Variants in RAD51B observed in about 807,000 individuals in gnomAD.
The protein encoded by RAD51B is DNA repair protein RAD51 homolog 2.
Under a neutral mutation model 42.2 loss-of-function variants are expected in RAD51B, and 38 were observed. The observed-to-expected ratio is 0.90, with a 90% CI of 0.70 to 1.18. The LOEUF is 1.18. Ranked by LOEUF, RAD51B falls within the 50% of genes most tolerant of loss-of-function variation. The pLI, the probability that RAD51B is intolerant of heterozygous loss-of-function variation, is 0.00. For synonymous variants in RAD51B, 154 were observed against 145.2 expected (o/e 1.06, Z -0.43); for missense variants, 373 against 400.7 (o/e 0.93, Z 0.59).
chr14:68,570,622 C>T (rs1889647169), intron 10 of RAD51B, among the ~76,000 whole-genome samples: 1 of 152,186 alleles, frequency 6.6e-6, no homozygotes, highest in Non-Finnish European at 1.5e-5. Context: ...GTCCAGTGCC[C>T]TTGGCAGCCT....
At chr14:68,375,443 A>G (rs927221) in intron 8 of RAD51B, among the ~76,000 whole-genome samples, 26,988 of 152,142 alleles carry the variant, frequency 0.18, 2,679 homozygotes, top group East Asian at 0.44. Flanking sequence ...TGTTATATGC[A>G]GCGTCCTCTG....
At chr14:67,941,104 G>A (rs538320889) in intron 7 of RAD51B, among the ~76,000 whole-genome samples, 141 of 152,314 alleles carry the variant, frequency 9.3e-4, no homozygotes, top group African/African-American at 3.3e-3. Flanking sequence ...CCACAAGTAG[G>A]AGGGAAGTAT....
chr14:68,607,875 A>C (rs4902612), intron 10 of RAD51B, among the ~76,000 whole-genome samples: 34,722 of 152,112 alleles, frequency 0.23, 4,397 homozygotes, highest in African/African-American at 0.33. Flanking sequence ...CCGGCCCTAC[A>C]TCGTGCCCCT....
At chr14:68,210,522 T>G (rs576597024) in intron 7 of RAD51B, among the ~76,000 whole-genome samples, 11 of 152,230 alleles carry the variant, frequency 7.2e-5, no homozygotes, top group African/African-American at 2.6e-4. Context: ...TTAGGTTACT[T>G]AAGGGTGATG....
intron 10 of RAD51B, among the ~76,000 whole-genome samples, chr14:68,535,918 G>T (rs1887590909): frequency 1.3e-5 from 2 of 152,206 alleles, no homozygotes; most frequent in Non-Finnish European, 2.9e-5. Context: ...GTGTGCTGAG[G>T]TTCTTTGGGT....
chr14:67,925,492 C>T (rs1595116535), intron 7 of RAD51B, among the ~76,000 whole-genome samples: 2 of 152,012 alleles, frequency 1.3e-5, no homozygotes, highest in East Asian at 1.9e-4. Flanking sequence ...AGGTTGGTCT[C>T]GAACTCCTGA....
intron 7 of RAD51B, among the ~76,000 whole-genome samples, chr14:68,030,953 G>A (rs1013348260): frequency 3.9e-5 from 6 of 152,182 alleles, no homozygotes; most frequent in African/African-American, 1.2e-4. Context: ...AAGGGGAATG[G>A]CCAGTTTGTA....
At chr14:68,462,094 A>C (rs1479803307) in intron 9 of RAD51B, among the ~76,000 whole-genome samples, 1 of 152,216 alleles carries the variant, frequency 6.6e-6, no homozygotes, top group African/African-American at 2.4e-5. Flanking sequence ...GAAAATTCAG[A>C]GCTTGCCTCT....
chr14:67,830,135 C>G (rs577668223), intron 3 of RAD51B, among the ~76,000 whole-genome samples: 44 of 152,104 alleles, frequency 2.9e-4, no homozygotes, highest in African/African-American at 1.1e-3. Flanking sequence ...GAGATGAAGC[C>G]AGAGAAGTAA....
chr14:68,028,121 G>A (rs2075982857), intron 7 of RAD51B, among the ~76,000 whole-genome samples: 1 of 152,154 alleles, frequency 6.6e-6, no homozygotes, highest in Non-Finnish European at 1.5e-5. Flanking sequence ...TGTACTTCAG[G>A]CTGTGATCTG....
intron 8 of RAD51B, among the ~76,000 whole-genome samples, chr14:68,394,301 C>T (rs753081543): frequency 3.3e-5 from 5 of 152,318 alleles, no homozygotes; most frequent in East Asian, 1.9e-4. Context: ...CCAGGAAGGA[C>T]GGGCTCGCCA....
intron 4 of RAD51B, among the ~76,000 whole-genome samples, chr14:67,843,004 G>A (rs1247654715): frequency 6.6e-6 from 1 of 151,988 alleles, no homozygotes; most frequent in Non-Finnish European, 1.5e-5. Flanking sequence ...CTAGCCCTGC[G>A]TCTCAGGAAT....
intron 7 of RAD51B, among the ~76,000 whole-genome samples, chr14:67,934,889 A>G (rs1445390749): frequency 6.6e-6 from 1 of 152,202 alleles, no homozygotes; most frequent in Non-Finnish European, 1.5e-5. Context: ...GTTATAGTCT[A>G]CAGCCTTCCT....
rs1014019345 is a variant in RAD51B, at chr14:68,141,606, G to A, written c.757-150278G>A. Reference sequence around the variant, plus strand: ...CTGAAAAGTTGCTGTGTTTTCTGACGTTTGGGTATTACATTAACATTATTA... The same window carrying A: ...CTGAAAAGTTGCTGTGTTTTCTGACATTTGGGTATTACATTAACATTATTA... On this transcript the variant is annotated intron_variant, in intron 7 of 10. Coordinates refer to ENST00000471583, the MANE Select transcript of RAD51B (RefSeq NM_133510.4). Among the ~76,000 whole-genome samples the A allele has an allele frequency of 4.6e-5, 7 of 152,090 alleles. No homozygotes were observed. The East Asian group carries it at 7.7e-4, about 17-fold the overall frequency.
chr14:68,052,224 T>A (rs2076404413), intron 7 of RAD51B, among the ~76,000 whole-genome samples: 1 of 152,206 alleles, frequency 6.6e-6, no homozygotes, highest in Admixed American at 6.5e-5. Context: ...TACAATTTGT[T>A]TCTTAGGTCT....
chr14:68,347,988 G>A (rs943634223), intron 8 of RAD51B, among the ~76,000 whole-genome samples: 5 of 152,130 alleles, frequency 3.3e-5, no homozygotes, highest in African/African-American at 1.2e-4. Context: ...CATCAACAGG[G>A]CAAGAGAGAA....
At chr14:68,441,135 G>A (rs1425170649) in intron 9 of RAD51B, among the ~76,000 whole-genome samples, 2 of 152,222 alleles carry the variant, frequency 1.3e-5, no homozygotes, top group African/African-American at 4.8e-5. Context: ...GACATTGTTA[G>A]TTCTTTCTTC....
chr14:68,511,362 C>T (rs949035816), intron 10 of RAD51B, among the ~76,000 whole-genome samples: 1 of 152,170 alleles, frequency 6.6e-6, no homozygotes, highest in Non-Finnish European at 1.5e-5. Flanking sequence ...TACCAAATCC[C>T]ACAAGCCTCA....
At chr14:68,510,476 C>T (rs1302631582) in intron 10 of RAD51B, among the ~76,000 whole-genome samples, 3 of 152,200 alleles carry the variant, frequency 2.0e-5, no homozygotes, top group Non-Finnish European at 4.4e-5. Context: ...GCCAAGGCAG[C>T]GGCCAGCCTC....
Sources: allele counts gnomAD v4.1 joint callset (sites outside exome capture counted in the v4.1 genomes callset), GRCh38; gene constraint gnomAD v4.1.1; transcripts MANE v1.5; gene names NCBI Gene and HGNC (gene_info 2026-07-23, HGNC 2026-07-21).